The following LRRC53 variants were observed in gnomAD, a reference collection of about 807,000 sequenced individuals.
LRRC53 encodes the protein leucine rich repeat containing 53.
LRRC53 carries 25 observed loss-of-function variants against 13.6 expected under a neutral mutation model. The ratio of observed to expected loss-of-function variants is 1.83; its 90% CI spans 1.34 to 2.56. The LOEUF is 2.56. Ranked by LOEUF, LRRC53 falls within the 30% of genes most tolerant of loss-of-function variation. LRRC53 has a pLI of 0.00. For synonymous variants in LRRC53, 204 were observed against 109.8 expected (o/e 1.86, Z -5.37); for missense variants, 527 against 275.8 (o/e 1.91, Z -6.45).
chr1:74,518,649 A>C, the LRRC53 span, among the ~76,000 whole-genome samples: 1 of 152,136 alleles, frequency 6.6e-6, no homozygotes, highest in Non-Finnish European at 1.5e-5. Flanking sequence ...AGGCTTCATA[A>C]TGCATCGCTA....
At chr1:74,473,898 G>A (rs1668059414) in intron 4 of LRRC53, among the ~76,000 whole-genome samples, 1 of 152,054 alleles carries the variant, frequency 6.6e-6, no homozygotes. Flanking sequence ...TCTCTACACT[G>A]GAAAGTCTAT....
At chr1:74,493,848 T>C (rs1353933612) in intron 1 of LRRC53, among the ~76,000 whole-genome samples, 1 of 152,202 alleles carries the variant, frequency 6.6e-6, no homozygotes, top group East Asian at 1.9e-4. Flanking sequence ...CTGACAACAT[T>C]CCATTGGCAA....
chr1:74,487,386 T>C (rs192820791), intron 1 of LRRC53, among the ~76,000 whole-genome samples: 28 of 152,184 alleles, frequency 1.8e-4, no homozygotes, highest in Admixed American at 8.5e-4. Context: ...AGGTACAAAA[T>C]AGCCATCCGA....
chr1:74,483,205 G>A (rs1035736884), intron 2 of LRRC53, 57 bp downstream of exon 2: 13 of 709,746 alleles, frequency 1.8e-5, no homozygotes, highest in African/African-American at 1.6e-4. Flanking sequence ...GAAAGGTATG[G>A]CAACCAATTT....
upstream of LRRC53, among the ~76,000 whole-genome samples, chr1:74,515,369 A>G (rs546893325): frequency 1.3e-4 from 20 of 152,344 alleles, no homozygotes; most frequent in Admixed American, 2.0e-4. Context: ...CTAACCCAGT[A>G]TGAGACTTGA....
At position 74,470,304 on chromosome 1, in the gene LRRC53, T is replaced by A. The variant is rs1224654096; in HGVS notation, c.3318A>T (p.Lys1106Asn). The change falls in exon 5 of 5, where the codon AAA becomes AAT. Residue 1106 changes from lysine to asparagine, a missense_variant. Coordinates refer to ENST00000294635, the MANE Select transcript of LRRC53 (RefSeq NM_001382280.1). ...MLTQISQMTL[K>N]GITKERQQTW... ...TTTGCTGCCTTTCTTTTGTGATGCC[T>A]TTTAAGGTCATTTGTGAGATCTGAG... 7.5e-6 allele frequency: 3 copies of A among 400,562 alleles called. No homozygotes were observed. Among genetic ancestry groups the A allele is most frequent in the African/African-American group, 2.1e-5 (1 of 48,702 alleles). 24.8% of individuals were successfully genotyped at this position (400,562 alleles called of 1,614,324 possible). A position where few individuals can be genotyped will look rare whatever the true frequency, so the allele number is the denominator to read the frequency against.
intron 3 of LRRC53, among the ~76,000 whole-genome samples, chr1:74,478,650 T>C (rs1284509378): frequency 6.6e-6 from 1 of 152,182 alleles, no homozygotes; most frequent in East Asian, 1.9e-4. Flanking sequence ...TATTAGAAAA[T>C]GAAAGGTTAC....
At chr1:74,484,335 G>GC (rs556668140) in intron 1 of LRRC53, among the ~76,000 whole-genome samples, 32 of 152,238 alleles carry the variant, frequency 2.1e-4, no homozygotes, top group Admixed American at 5.9e-4. Flanking sequence ...TGTTCAACAA[G>GC]CATTTGTAGA....
chr1:74,483,168 C>A, intron 2 of LRRC53, 94 bp downstream of exon 2: 1 of 663,640 alleles, frequency 1.5e-6, no homozygotes, highest in Non-Finnish European at 2.8e-6. Flanking sequence ...ACCTCTTAAG[C>A]TGAGCCCAGA....
chr1:74,480,940 G>T lies in LRRC53; in HGVS notation c.117C>A (p.Ile39=), dbSNP rs1414538740. Residue 39 remains isoleucine (I), a synonymous_variant, in exon 3 of 5, where the codon ATC becomes ATA. Coordinates refer to ENST00000294635, the MANE Select transcript of LRRC53 (RefSeq NM_001382280.1). ...TAGAGGAGAGATATCCATCGGTGAT[G>T]ATTAAAACCCTCGTGGTCATAGGGG... The part of the protein sequence containing the change: ...VAAPMTTRVL[I]ITDGYLSSIE... 2 of 716,638 alleles carry T rather than the reference G, an allele frequency of 2.8e-6. No homozygotes were observed. Among genetic ancestry groups the T allele is most frequent in the Non-Finnish European group, 5.2e-6 (2 of 384,602 alleles). The allele number at this position is 716,638 out of a possible 1,614,324, so 44.4% of individuals were successfully genotyped here.
the LRRC53 span, among the ~76,000 whole-genome samples, chr1:74,522,353 T>C: frequency 6.6e-6 from 1 of 152,130 alleles, no homozygotes; most frequent in Admixed American, 6.6e-5. Context: ...GTTCCTAGCA[T>C]TCCTATGGGA....
chr1:74,494,568 C>T (rs957594013), intron 1 of LRRC53, among the ~76,000 whole-genome samples: 1 of 152,116 alleles, frequency 6.6e-6, no homozygotes, highest in Non-Finnish European at 1.5e-5. Flanking sequence ...TGTTCTTATT[C>T]TCTACTTGTG....
At chr1:74,481,210 C>G (rs2100258521) in intron 2 of LRRC53, among the ~76,000 whole-genome samples, 1 of 152,212 alleles carries the variant, frequency 6.6e-6, no homozygotes, top group Middle Eastern at 3.4e-3. Flanking sequence ...GAAACATAAA[C>G]CCATCTGTTA....
At chr1:74,487,621 A>G (rs1173521240) in intron 1 of LRRC53, among the ~76,000 whole-genome samples, 2 of 152,120 alleles carry the variant, frequency 1.3e-5, no homozygotes, top group African/African-American at 4.8e-5. Context: ...ATAAATGTAA[A>G]TGAAATATAA....
chr1:74,508,697 A>T (rs1207786587), intron 1 of LRRC53, among the ~76,000 whole-genome samples: 1 of 152,196 alleles, frequency 6.6e-6, no homozygotes, highest in Admixed American at 6.5e-5. Flanking sequence ...CCCGGGGCAT[A>T]TGTCTGGTAG....
chr1:74,506,662 C>T (rs1041913334), intron 1 of LRRC53, among the ~76,000 whole-genome samples: 8 of 152,188 alleles, frequency 5.3e-5, no homozygotes, highest in Non-Finnish European at 7.3e-5. Context: ...GGCCCCACAC[C>T]GGACCTGCCG....
intron 1 of LRRC53, among the ~76,000 whole-genome samples, chr1:74,485,435 C>T (rs983031789): frequency 3.9e-5 from 6 of 152,180 alleles, no homozygotes; most frequent in African/African-American, 1.4e-4. Context: ...AATTTACACA[C>T]AGACTCCAGG....
In LRRC53 at chr1:74,479,539, A is replaced by G. The variant is rs554323572; in HGVS notation, c.904+614T>C. ...AGTTAGATAATGCATCCAAAGTCAC[A>G]CAGCTAATAGCAGAGCCAGGATTCA... On this transcript the variant is annotated intron_variant, in intron 3 of 4. Transcript: ENST00000294635. Among the ~76,000 whole-genome samples, 3 of 152,330 alleles carry G rather than the reference A, an allele frequency of 2.0e-5. No individual in the cohort carries two copies. In the South Asian group the frequency reaches 6.2e-4, roughly 32 times the overall value.
At chr1:74,495,228 A>G (rs139177697) in intron 1 of LRRC53, among the ~76,000 whole-genome samples, 105 of 152,376 alleles carry the variant, frequency 6.9e-4, no homozygotes, top group African/African-American at 2.4e-3. Context: ...GTGAGCGTGC[A>G]TTCAAGGTCA....
Sources: gnomAD v4.1 joint callset for allele counts (sites outside exome capture counted in the v4.1 genomes callset) on GRCh38, gnomAD v4.1.1 for gene constraint, MANE v1.5 for transcripts, NCBI Gene and HGNC (gene_info 2026-07-23, HGNC 2026-07-21) for gene names.